The following ARHGAP32 variants were observed in gnomAD, a reference collection of about 807,000 sequenced individuals.
The protein encoded by ARHGAP32 is Rho GTPase activating protein 32.
In ARHGAP32, 51 loss-of-function variants were observed where a neutral mutation model predicts 186.5. The ratio of observed to expected loss-of-function variants is 0.27; its 90% CI spans 0.22 to 0.35. The LOEUF (loss-of-function observed/expected upper bound fraction) is 0.35, where lower values mean the gene tolerates loss of function less well. Among genes scored for constraint, ARHGAP32 ranks in the 10% least tolerant of loss-of-function variants. ARHGAP32 has a pLI of 1.00. For synonymous variants in ARHGAP32, 950 were observed against 964.3 expected, an observed-to-expected ratio of 0.99 and a Z score of 0.27; for missense variants, 2,186 against 2,623.5, an observed-to-expected ratio of 0.83 and a Z score of 3.64.
Position 129,086,678 on chromosome 11 carries a change from G to A in ARHGAP32, c.531+6943C>T, listed in dbSNP as rs912343150. Among the ~76,000 whole-genome samples, 260 of 152,010 alleles carry A rather than the reference G, an allele frequency of 1.7e-3. 2 individuals are homozygous for A. Among genetic ancestry groups the A allele is most frequent in the Admixed American group, 3.1e-3 (48 of 15,268 alleles). On this transcript the variant is annotated intron_variant, in intron 6 of 22. Coordinates refer to ENST00000682385, the MANE Select transcript of ARHGAP32 (RefSeq NM_001378024.1). ...CTACTAAAAATACAAAAAATTAGCC[G>A]GGCGTGGTGGTGGGCGCCTGTAGTC...
Position 128,974,541 on chromosome 11 carries a change from G to C in ARHGAP32, c.2656C>G (p.Pro886Ala). The C allele has an allele frequency of 6.2e-7, 1 of 1,614,148 alleles. No individual in the cohort carries two copies. ...GGCTTAGATGATTTATCTTCAGTTGGGCTCAAGTCCAGGGTAAAGAATGGA... is the reference window on the plus strand; with the variant it reads ...GGCTTAGATGATTTATCTTCAGTTGCGCTCAAGTCCAGGGTAAAGAATGGA... The part of the protein sequence containing the change: ...LSPFFTLDLS[P>A]TEDKSSKPSS... The change falls in exon 21 of 23, where the codon CCA becomes GCA. Residue 886 changes from proline (P) to alanine (A), a missense_variant. Around this residue, in one of 5 missense-constraint regions of ARHGAP32, gnomAD observed 1,502 missense variants for 1,570.0 expected, o/e 0.96. Coordinates refer to ENST00000682385, the MANE Select transcript of ARHGAP32 (RefSeq NM_001378024.1).
chr11:129,085,126 C>A (rs1036682873), intron 6 of ARHGAP32, among the ~76,000 whole-genome samples: 2 of 151,842 alleles, frequency 1.3e-5, no homozygotes, highest in Middle Eastern at 3.2e-3. Context: ...TAGGCTTAAG[C>A]GATCCTCTTG....
chr11:129,177,381 C>T (rs1373199618), intron 1 of ARHGAP32, among the ~76,000 whole-genome samples: 1 of 152,186 alleles, frequency 6.6e-6, no homozygotes, highest in Non-Finnish European at 1.5e-5. Context: ...GGTACCATTC[C>T]TTCTGAAACT....
intron 11 of ARHGAP32, among the ~76,000 whole-genome samples, chr11:129,024,949 G>T (rs1274600755): frequency 6.6e-6 from 1 of 151,940 alleles, no homozygotes; most frequent in Non-Finnish European, 1.5e-5. Flanking sequence ...TAATAATACT[G>T]AACTGTGTTA....
chr11:129,214,493 C>CAT (rs761771434), intron 1 of ARHGAP32, among the ~76,000 whole-genome samples: 142 of 152,206 alleles, frequency 9.3e-4, no homozygotes, highest in Non-Finnish European at 1.5e-3. Context: ...TTTATTGATT[C>CAT]ATATAATGGA....
At chr11:129,113,522 TTATATA>T (rs1020258463) in intron 5 of ARHGAP32, among the ~76,000 whole-genome samples, 2 of 152,052 alleles carry the variant, frequency 1.3e-5, no homozygotes, top group African/African-American at 4.8e-5. Flanking sequence ...AGACTAGTAT[TTATATA>T]TATATTTTGC....
intron 1 of ARHGAP32, among the ~76,000 whole-genome samples, chr11:129,178,944 G>A (rs1383376079): frequency 6.6e-6 from 1 of 152,002 alleles, no homozygotes; most frequent in Non-Finnish European, 1.5e-5. Context: ...TTGACAAATG[G>A]GATCTAATTA....
At chr11:129,042,036 A>G (rs1939615433) in intron 10 of ARHGAP32, among the ~76,000 whole-genome samples, 1 of 152,188 alleles carries the variant, frequency 6.6e-6, no homozygotes, top group Non-Finnish European at 1.5e-5. Flanking sequence ...TCACATACTC[A>G]TTTGCTACAT....
chr11:128,984,979 C>T (rs1019404992), intron 15 of ARHGAP32, among the ~76,000 whole-genome samples: 5 of 152,078 alleles, frequency 3.3e-5, no homozygotes, highest in East Asian at 1.9e-4. Flanking sequence ...GATTTTTTGA[C>T]GTTTATGATG....
Position 129,213,633 on chromosome 11 carries a change from TATAA to T in ARHGAP32, c.-4-49210_-4-49207del, listed in dbSNP as rs139653088. ...ATGATGTTAGTAACATTTAATGTAA[TATAA>T]ATAGACAAAACTGAAAATGTCAGCT... On this transcript the variant is annotated intron_variant, in intron 1 of 6. Coordinates refer to the ARHGAP32 transcript ENST00000525234. Among the ~76,000 whole-genome samples the T allele has an allele frequency of 5.0e-3, 755 of 152,304 alleles. 2 individuals are homozygous for T. The highest frequency in any genetic ancestry group is 8.8e-3 in the Non-Finnish European group (602 of 68,028).
chr11:129,146,541 C>A (rs952919136), intron 2 of ARHGAP32, among the ~76,000 whole-genome samples: 3 of 152,036 alleles, frequency 2.0e-5, no homozygotes, highest in Admixed American at 2.0e-4. Flanking sequence ...AATTGATAAA[C>A]AATCTCACTG....
At chr11:129,183,201 T>C (rs1026966858) in intron 1 of ARHGAP32, among the ~76,000 whole-genome samples, 1 of 152,160 alleles carries the variant, frequency 6.6e-6, no homozygotes, top group South Asian at 2.1e-4. Context: ...CTTCTCTTCA[T>C]GTCCCACAAC....
At position 129,000,073 on chromosome 11, in the gene ARHGAP32, T is replaced by C. The variant is rs974049842; in HGVS notation, c.1046-1605A>G. Among the ~76,000 whole-genome samples, 6 of 152,062 alleles carry C rather than the reference T, an allele frequency of 3.9e-5. No individual in the cohort carries two copies. In the South Asian group the frequency reaches 1.2e-3, roughly 32 times the overall value. ...CTTTCTCATTTTGCAAAGAGGACAATCCCATAATGACACAGAACACACTTG... is the reference window on the plus strand; with the variant it reads ...CTTTCTCATTTTGCAAAGAGGACAACCCCATAATGACACAGAACACACTTG... On this transcript the variant is annotated intron_variant, in intron 11 of 22. Coordinates refer to ENST00000682385, the MANE Select transcript of ARHGAP32 (RefSeq NM_001378024.1).
chr11:129,010,347 T>C (rs1256431342), intron 11 of ARHGAP32, among the ~76,000 whole-genome samples: 5 of 152,226 alleles, frequency 3.3e-5, no homozygotes, highest in Non-Finnish European at 5.9e-5. Flanking sequence ...TTTTGGTGTT[T>C]TCGTCATGAA....
chr11:129,132,344 G>A (rs1025478608), intron 2 of ARHGAP32, among the ~76,000 whole-genome samples: 1 of 152,164 alleles, frequency 6.6e-6, no homozygotes, highest in Non-Finnish European at 1.5e-5. Flanking sequence ...GCCAGGCATG[G>A]TGGCATGTGC....
At chr11:129,134,211 T>TA (rs890027248) in intron 2 of ARHGAP32, among the ~76,000 whole-genome samples, 107 of 150,020 alleles carry the variant, frequency 7.1e-4, no homozygotes, top group African/African-American at 2.3e-3. Flanking sequence ...CCCTGTTCAT[T>TA]AAAAAAAAAG....
At chr11:129,048,789 G>A (rs1195208320) in intron 10 of ARHGAP32, among the ~76,000 whole-genome samples, 7 of 152,050 alleles carry the variant, frequency 4.6e-5, no homozygotes, top group East Asian at 3.9e-4. Context: ...ACTAGATTAC[G>A]GTTGCTTTAA....
At chr11:129,139,956 A>G (rs1297883516) in intron 2 of ARHGAP32, among the ~76,000 whole-genome samples, 2 of 152,216 alleles carry the variant, frequency 1.3e-5, no homozygotes, top group East Asian at 3.8e-4. Flanking sequence ...TGGTTGTTCA[A>G]TCAATCTAGG....
chr11:129,213,827 A>G (rs1217050033), intron 1 of ARHGAP32, among the ~76,000 whole-genome samples: 1 of 152,072 alleles, frequency 6.6e-6, no homozygotes, highest in Non-Finnish European at 1.5e-5. Context: ...GAGGCATTAA[A>G]TGAGGTCAGG....
Sources: allele counts gnomAD v4.1 joint callset (sites outside exome capture counted in the v4.1 genomes callset), GRCh38; gene constraint gnomAD v4.1.1; regional missense constraint gnomAD v4.1.1; transcripts MANE v1.5; gene names NCBI Gene and HGNC (gene_info 2026-07-23, HGNC 2026-07-21).